Variants in STXBP4 observed in about 807,000 individuals in gnomAD.
STXBP4 encodes syntaxin-binding protein 4.
A neutral mutation model predicts 76.1 loss-of-function variants in STXBP4; 55 were observed. The observed-to-expected ratio is 0.72, with a 90% CI of 0.58 to 0.91. STXBP4 has a LOEUF of 0.91. STXBP4 is among the 40% of genes least tolerant of loss of function. STXBP4 has a pLI of 0.00. For synonymous variants in STXBP4, 201 were observed against 220.2 expected (o/e 0.91, Z 0.77); for missense variants, 618 against 636.9 (o/e 0.97, Z 0.32).
At chr17:55,051,487 C>T (rs1187881175) in intron 12 of STXBP4, among the ~76,000 whole-genome samples, 1 of 152,056 alleles carries the variant, frequency 6.6e-6, no homozygotes, top group African/African-American at 2.4e-5. Context: ...TGGGGCAAAG[C>T]AGTTCTGAAA....
intron 10 of STXBP4, 22 bp downstream of exon 10, chr17:55,034,281 T>C (rs2078560603): frequency 6.5e-7 from 1 of 1,547,486 alleles, no homozygotes; most frequent in African/African-American, 1.4e-5. Context: ...CCTATAGAAT[T>C]GCTTTGACAT....
the STXBP4 span, among the ~76,000 whole-genome samples, chr17:55,202,912 A>G: frequency 6.6e-6 from 1 of 152,186 alleles, no homozygotes; most frequent in African/African-American, 2.4e-5. Flanking sequence ...GAGCCAAGAA[A>G]GGTCATTCAG....
intron 8 of STXBP4, among the ~76,000 whole-genome samples, chr17:55,027,902 C>CTTTAA (rs1174931573): frequency 2.0e-5 from 3 of 152,004 alleles, no homozygotes; most frequent in Non-Finnish European, 4.4e-5. Context: ...TATTGTCCTA[C>CTTTAA]TTTAAAACTC....
At position 55,062,451 on chromosome 17, in the gene STXBP4, T is replaced by C. The variant is rs192082495; in HGVS notation, c.1012-10449T>C. 4.7e-3 allele frequency among the ~76,000 whole-genome samples: 715 copies of C among 152,352 alleles called. 4 individuals carry two copies. The highest frequency in any genetic ancestry group is 6.8e-3 in the Middle Eastern group (2 of 294). ...TTTTTTATGGCTGCATAGTATTACC[T>C]GGTGTATATTTGCCGCATTTTCTTT... On this transcript the variant is annotated intron_variant, in intron 12 of 17. Coordinates refer to ENST00000376352, the MANE Select transcript of STXBP4 (RefSeq NM_178509.6).
intron 16 of STXBP4, among the ~76,000 whole-genome samples, chr17:55,117,368 A>T (rs965159571): frequency 3.3e-5 from 5 of 151,336 alleles, no homozygotes; most frequent in South Asian, 2.1e-4. Context: ...TAGTTGTAAA[A>T]TTTTTTTTTC....
At chr17:55,209,120 A>C in the STXBP4 span, among the ~76,000 whole-genome samples, 3 of 152,114 alleles carry the variant, frequency 2.0e-5, no homozygotes, top group Non-Finnish European at 4.4e-5. Context: ...TACATTATAA[A>C]AGAGGTGGGA....
chr17:55,081,551 C>G (rs1298908292), intron 16 of STXBP4, among the ~76,000 whole-genome samples: 1 of 152,080 alleles, frequency 6.6e-6, no homozygotes, highest in African/African-American at 2.4e-5. Flanking sequence ...TCCAACTGAG[C>G]AAAAGACCCC....
rs746910717 is a variant in STXBP4, at chr17:54,999,340, G to C, written c.181-5G>C. 1 of 1,601,124 alleles carries C rather than the reference G, an allele frequency of 6.2e-7. No homozygotes were observed. Among genetic ancestry groups the C allele is most frequent in the East Asian group, 2.2e-5 (1 of 44,652 alleles). On this transcript the variant is annotated splice_region_variant and splice_polypyrimidine_tract_variant and intron_variant, in intron 4 of 17. Transcript: ENST00000376352. ...TTCCTTTATAAATGTTACTGTTTTT[G>C]TTAGGATGGTCGTTTGAAGCCAGGA...
At chr17:55,144,906 A>G (rs566128522) in intron 17 of STXBP4, among the ~76,000 whole-genome samples, 1 of 152,310 alleles carries the variant, frequency 6.6e-6, no homozygotes, top group East Asian at 1.9e-4. Flanking sequence ...CTCCATTTAT[A>G]AAAAGGAAAG....
chr17:55,091,620 C>T (rs1026235048), intron 16 of STXBP4, among the ~76,000 whole-genome samples: 3 of 152,172 alleles, frequency 2.0e-5, no homozygotes, highest in Non-Finnish European at 4.4e-5. Context: ...AAAACACCCT[C>T]CCAGCCCACT....
intron 4 of STXBP4, chr17:54,991,325 G>C (rs141095768): frequency 6.5e-6 from 1 of 153,064 alleles, no homozygotes; most frequent in Non-Finnish European, 1.5e-5. Context: ...CATTCATTTA[G>C]CCTCTACTAA....
chr17:54,984,110 C>A (rs2077589499), intron 1 of STXBP4, among the ~76,000 whole-genome samples: 1 of 152,056 alleles, frequency 6.6e-6, no homozygotes, highest in Admixed American at 6.5e-5. Context: ...TTTTTACCAC[C>A]CAGACCAGTG....
intron 16 of STXBP4, among the ~76,000 whole-genome samples, chr17:55,118,880 C>G (rs1277517771): frequency 1.3e-5 from 2 of 150,928 alleles, no homozygotes; most frequent in African/African-American, 4.8e-5. Context: ...ATAAAAGACT[C>G]CATCACCATT....
chr17:54,973,028 T>C (rs2077422313), intron 1 of STXBP4, among the ~76,000 whole-genome samples: 1 of 152,030 alleles, frequency 6.6e-6, no homozygotes, highest in Non-Finnish European at 1.5e-5. Context: ...AAGAGAAAAG[T>C]GTATTTAGGA....
chr17:55,180,895 A>G, the STXBP4 span, among the ~76,000 whole-genome samples: 1 of 152,240 alleles, frequency 6.6e-6, no homozygotes, highest in Non-Finnish European at 1.5e-5. Context: ...TATGGCCTAT[A>G]GAAGTCAAAA....
rs150466583 is a variant in STXBP4, at chr17:55,111,465, T to G, written c.1490-29845T>G. 3.3e-5 allele frequency among the ~76,000 whole-genome samples: 5 copies of G among 152,284 alleles called. No homozygotes were observed. The East Asian group carries it at 9.6e-4, about 29-fold the overall frequency. ...TCTCATGTTGAAATGTAATCCCCAATGTTGGAGGTGGGGCCTGGTGGGAGG... is the reference window on the plus strand; with the variant it reads ...TCTCATGTTGAAATGTAATCCCCAAGGTTGGAGGTGGGGCCTGGTGGGAGG... On this transcript the variant is annotated intron_variant, in intron 16 of 17. Transcript: ENST00000376352.
At chr17:55,078,039 A>G (rs375472256) in intron 13 of STXBP4, 39 bp from the exon 14 acceptor site, 1 of 1,331,002 alleles carries the variant, frequency 7.5e-7, no homozygotes, top group African/African-American at 1.5e-5. Flanking sequence ...TGTAAAACTG[A>G]AGAAATGTGT....
the STXBP4 span, among the ~76,000 whole-genome samples, chr17:55,187,297 G>T: frequency 6.1e-3 from 933 of 152,270 alleles, 11 homozygotes; most frequent in African/African-American, 0.021. Context: ...TACATTAAAG[G>T]TGATCAAGCT....
intron 1 of STXBP4, among the ~76,000 whole-genome samples, chr17:54,977,006 C>G (rs9914732): frequency 0.28 from 42,591 of 151,846 alleles, 6,238 homozygotes; most frequent in African/African-American, 0.35. Flanking sequence ...AATTTTAGCT[C>G]GTCAGGGAGA....
Sources: allele counts gnomAD v4.1 joint callset (sites outside exome capture counted in the v4.1 genomes callset), GRCh38; gene constraint gnomAD v4.1.1; transcripts MANE v1.5; gene names NCBI Gene and HGNC (gene_info 2026-07-23, HGNC 2026-07-21).